Variants in GNB1 observed in about 807,000 individuals in gnomAD.
GNB1 encodes guanine nucleotide-binding protein G(I)/G(S)/G(T) subunit beta-1.
GNB1 carries 2 observed loss-of-function variants against 42.9 expected under a neutral mutation model. That is an observed-to-expected ratio of 0.05 (90% CI 0.02 to 0.15). The LOEUF (loss-of-function observed/expected upper bound fraction) is 0.15, where lower values mean the gene tolerates loss of function less well. Among genes scored for constraint, GNB1 ranks in the 10% least tolerant of loss-of-function variants. GNB1 has a pLI of 1.00. For missense variants in GNB1, 193 were observed against 462.2 expected, an observed-to-expected ratio of 0.42 and a Z score of 5.34; for synonymous variants, 183 against 174.7, an observed-to-expected ratio of 1.05 and a Z score of -0.38.
At chr1:1,890,494 G>T (rs1294427900) in intron 1 of GNB1, 3 of 146,074 alleles carry the variant, frequency 2.1e-5, no homozygotes, top group South Asian at 3.9e-4. Flanking sequence ...GGCCCCGCCC[G>T]ACCCGCGCCC....
chr1:1,799,015 G>C (rs1406049602), intron 7 of GNB1, among the ~76,000 whole-genome samples: 2 of 152,076 alleles, frequency 1.3e-5, no homozygotes, highest in Non-Finnish European at 2.9e-5. Context: ...CGCCCCCCGG[G>C]GTTCACGCCA....
Position 1,865,279 on chromosome 1 carries a change from C to CA in GNB1, c.-96+25540dup, listed in dbSNP as rs1553204390. Among the ~76,000 whole-genome samples the CA allele has an allele frequency of 1.9e-3, 246 of 126,990 alleles. 1 individual carries two copies. The highest frequency in any genetic ancestry group is 4.4e-3 in the African/African-American group (148 of 33,560). 83.3% of individuals were successfully genotyped at this position (126,990 alleles called of 152,430 possible). A position where few individuals can be genotyped will look rare whatever the true frequency, so the allele number is the denominator to read the frequency against. ...TCCATCTCAAAAAACAAAAAAAAAA[C>CA]AAAAAAAAACCAAAAAAAAAAAACA... is the stretch of plus-strand genomic sequence containing the variant. On this transcript the variant is annotated intron_variant, in intron 1 of 11. Coordinates refer to ENST00000378609, the MANE Select transcript of GNB1 (RefSeq NM_002074.5).
intron 2 of GNB1, among the ~76,000 whole-genome samples, chr1:1,826,243 C>G (rs1245806887): frequency 6.6e-6 from 1 of 151,916 alleles, no homozygotes; most frequent in Non-Finnish European, 1.5e-5. Flanking sequence ...ATGGTGAAAC[C>G]CGATCTCTAC....
chr1:1,791,260 C>T (rs1646477868), intron 8 of GNB1, among the ~76,000 whole-genome samples: 2 of 152,048 alleles, frequency 1.3e-5, no homozygotes, highest in South Asian at 4.1e-4. Flanking sequence ...CAACCTCCGC[C>T]TCCCGAGTTC....
intron 1 of GNB1, among the ~76,000 whole-genome samples, chr1:1,845,824 TACACACACACACACACACACACAC>T (rs55953457): frequency 9.3e-5 from 13 of 140,360 alleles, no homozygotes; most frequent in African/African-American, 2.4e-4. Flanking sequence ...TGTAAGTCCA[TACACACACACACACACACACACAC>T]ACACACACAC....
At chr1:1,836,974 A>G (rs1370288501) in intron 2 of GNB1, among the ~76,000 whole-genome samples, 1 of 151,008 alleles carries the variant, frequency 6.6e-6, no homozygotes, top group Non-Finnish European at 1.5e-5. Flanking sequence ...GGTGTTAGCC[A>G]TAGTACCTAG....
rs1357709288 is a variant in GNB1 at position 1,787,207 on chromosome 1, T to G, written c.*9+115A>C. On this transcript the variant is annotated intron_variant, in intron 11 of 11. Coordinates refer to ENST00000378609, the MANE Select transcript of GNB1 (RefSeq NM_002074.5). This position sits in a 1 kb window ranked among gnomAD's most constrained non-coding sequence, Gnocchi z 4.4. Reference sequence around the variant, plus strand: ...CTGTAAACGTTTCCCACAACACAATTCCAAATCAATGCTACATCAACATTT... The same window carrying G: ...CTGTAAACGTTTCCCACAACACAATGCCAAATCAATGCTACATCAACATTT... 5 of 678,706 alleles carry G rather than the reference T, an allele frequency of 7.4e-6. No individual in the cohort carries two copies. The Admixed American group carries it at 1.0e-4, about 14-fold the overall frequency. The allele number at this position is 678,706 out of a possible 1,614,324, so 42.0% of individuals were successfully genotyped here. A position where few individuals can be genotyped will look rare whatever the true frequency, so the allele number is the denominator to read the frequency against.
At chr1:1,788,348 C>T (rs978786708) in intron 10 of GNB1, 3 of 153,146 alleles carry the variant, frequency 2.0e-5, no homozygotes, top group Admixed American at 6.5e-5. Flanking sequence ...CAGCTGAGTA[C>T]AGGGGCCGGC....
intron 7 of GNB1, among the ~76,000 whole-genome samples, chr1:1,802,286 T>C (rs1342013998): frequency 6.6e-6 from 1 of 152,006 alleles, no homozygotes; most frequent in African/African-American, 2.4e-5. Flanking sequence ...ATCAGCTCCA[T>C]TAAAAACAAG....
At position 1,806,635 on chromosome 1, in the gene GNB1, C is replaced by T; in HGVS notation, c.204-97G>A. On this transcript the variant is annotated intron_variant, in intron 5 of 11. Coordinates refer to ENST00000378609, the MANE Select transcript of GNB1 (RefSeq NM_002074.5). ...AACCCAGACTCTGGTGGCTTATGTG[C>T]TCCCATGTTACATGTGCTTCAGACA... The T allele has an allele frequency of 1.2e-5, 9 of 748,278 alleles. No individual in the cohort carries two copies. The South Asian group carries it at 1.7e-4, about 14-fold the overall frequency. 46.4% of individuals were successfully genotyped at this position (748,278 alleles called of 1,614,324 possible).
rs140561883 is a variant in GNB1, at chr1:1,852,289, C to T, written c.-95-13051G>A. On this transcript the variant is annotated intron_variant, in intron 1 of 11. Coordinates refer to ENST00000378609, the MANE Select transcript of GNB1 (RefSeq NM_002074.5). The stretch of plus-strand genomic sequence containing the variant: ...TGTCGCCCAGGCTGGAATGCAGTGG[C>T]GCCATCTCGGCTCACTGCAAGCTCC... Among the ~76,000 whole-genome samples, 815 of 152,030 alleles carry T rather than the reference C, an allele frequency of 5.4e-3. 10 individuals are homozygous for T. The highest frequency in any genetic ancestry group is 0.019 in the African/African-American group (780 of 41,490).
At chr1:1,788,813 G>A (rs1646440486) in intron 10 of GNB1, 1 of 482,260 alleles carries the variant, frequency 2.1e-6, no homozygotes, top group Non-Finnish European at 3.8e-6. Flanking sequence ...ACCCTCTCCT[G>A]CCCACTGACT....
intron 2 of GNB1, among the ~76,000 whole-genome samples, chr1:1,836,496 A>G (rs531496221): frequency 4.8e-5 from 7 of 144,448 alleles, no homozygotes; most frequent in Non-Finnish European, 8.9e-5. Context: ...GGCTCAAGTG[A>G]TTCTCCCACC....
intron 1 of GNB1, among the ~76,000 whole-genome samples, chr1:1,855,170 A>C (rs1274274343): frequency 2.6e-5 from 4 of 151,372 alleles, no homozygotes; most frequent in Non-Finnish European, 4.4e-5. Context: ...AAAAAAAAAA[A>C]AACAGCTGAG....
intron 2 of GNB1, 115 bp downstream of exon 2, chr1:1,839,075 G>C (rs903230231): frequency 3.8e-4 from 58 of 152,078 alleles, no homozygotes; most frequent in African/African-American, 1.4e-3. Context: ...GAGCAACATG[G>C]CAAAACACTG....
intron 1 of GNB1, among the ~76,000 whole-genome samples, chr1:1,887,772 C>A (rs975625911): frequency 2.0e-5 from 3 of 152,168 alleles, no homozygotes; most frequent in Admixed American, 6.6e-5. Flanking sequence ...CCCACCACCA[C>A]GCCGGCTAAT....
At chr1:1,868,439 G>A (rs1275064590) in intron 1 of GNB1, among the ~76,000 whole-genome samples, 2 of 152,102 alleles carry the variant, frequency 1.3e-5, no homozygotes, top group Non-Finnish European at 2.9e-5. Flanking sequence ...CAAAGCGCTG[G>A]GATTACAAGC....
intron 2 of GNB1, among the ~76,000 whole-genome samples, chr1:1,830,261 T>C (rs989535882): frequency 6.6e-6 from 1 of 151,618 alleles, no homozygotes; most frequent in Non-Finnish European, 1.5e-5. Flanking sequence ...TAAAATAATA[T>C]TACATTTTTT....
At chr1:1,866,091 A>C (rs1648925297) in intron 1 of GNB1, among the ~76,000 whole-genome samples, 1 of 152,110 alleles carries the variant, frequency 6.6e-6, no homozygotes, top group South Asian at 2.1e-4. Flanking sequence ...GGCATGCACC[A>C]CCACGGCCAG....
Sources: allele counts gnomAD v4.1 joint callset (sites outside exome capture counted in the v4.1 genomes callset), GRCh38; gene constraint gnomAD v4.1.1; non-coding constraint Gnocchi (gnomAD v3.1); transcripts MANE v1.5; gene names NCBI Gene and HGNC (gene_info 2026-07-23, HGNC 2026-07-21).